Variants in SLC6A6 observed in about 807,000 individuals in gnomAD.
The protein encoded by SLC6A6 is sodium- and chloride-dependent taurine transporter.
SLC6A6 carries 16 observed loss-of-function variants against 68.8 expected under a neutral mutation model. The observed-to-expected ratio is 0.23, with a 90% CI of 0.16 to 0.35. The LOEUF (loss-of-function observed/expected upper bound fraction) is 0.35. Among genes scored for constraint, SLC6A6 ranks in the 10% least tolerant of loss-of-function variants. The probability of loss-of-function intolerance (pLI) is 1.00; values close to 1 mark genes in which losing one functional copy is unlikely to be tolerated. For synonymous variants in SLC6A6, 312 were observed against 315.4 expected (o/e 0.99, Z 0.12); for missense variants, 474 against 802.8 (o/e 0.59, Z 4.95).
chr3:14,405,577 A>C (rs1454770050), intron 1 of SLC6A6, among the ~76,000 whole-genome samples: 1 of 152,208 alleles, frequency 6.6e-6, no homozygotes, highest in Non-Finnish European at 1.5e-5. Flanking sequence ...TGGCAGGTAC[A>C]TGCTGATTCC....
intron 2 of SLC6A6, among the ~76,000 whole-genome samples, chr3:14,435,338 A>T (rs1034582996): frequency 6.6e-6 from 1 of 152,148 alleles, no homozygotes; most frequent in African/African-American, 2.4e-5. Context: ...GGAGGCTTCT[A>T]GCGGAGGTCG....
intron 6 of SLC6A6, among the ~76,000 whole-genome samples, chr3:14,463,816 C>T (rs530241679): frequency 3.3e-5 from 5 of 152,194 alleles, no homozygotes; most frequent in Non-Finnish European, 7.3e-5. Context: ...GAACAAAGGA[C>T]GCCCGGGGGC....
intron 2 of SLC6A6, among the ~76,000 whole-genome samples, chr3:14,421,445 G>A (rs1044734489): frequency 6.6e-6 from 1 of 152,294 alleles, no homozygotes. Flanking sequence ...AAACGGGCCT[G>A]ATGTAGAAGC....
At chr3:14,463,972 C>G (rs547038842) in intron 6 of SLC6A6, among the ~76,000 whole-genome samples, 32 of 152,192 alleles carry the variant, frequency 2.1e-4, no homozygotes, top group Non-Finnish European at 2.4e-4. Flanking sequence ...GATGGGGAAG[C>G]TGAGGCCCAG....
chr3:14,425,490 A>G (rs1699574936), intron 2 of SLC6A6, among the ~76,000 whole-genome samples: 1 of 152,188 alleles, frequency 6.6e-6, no homozygotes, highest in South Asian at 2.1e-4. Flanking sequence ...TGCTTGACCA[A>G]ATAAATAGAT....
rs956797398 is a variant in SLC6A6, at chr3:14,468,374, G to A, written c.1096+162G>A. On this transcript the variant is annotated intron_variant, in intron 9 of 14. Coordinates refer to ENST00000622186, the MANE Select transcript of SLC6A6 (RefSeq NM_003043.6). The surrounding 1 kb of genome is among the most constrained non-coding windows in gnomAD (Gnocchi z 4.5). ...ACCAAGATATCCCCCAAATTTCAAA[G>A]AGTACAAAGCCAAATTTTAAACATT... 7.2e-6 allele frequency among the ~76,000 whole-genome samples: 1 copy of A among 138,018 alleles called. No homozygotes were observed. Among genetic ancestry groups the A allele is most frequent in the Admixed American group, 7.2e-5 (1 of 13,816 alleles). 90.5% of individuals were successfully genotyped at this position (138,018 alleles called of 152,430 possible).
chr3:14,431,388 A>G (rs765983655), intron 2 of SLC6A6, among the ~76,000 whole-genome samples: 3 of 152,210 alleles, frequency 2.0e-5, no homozygotes, highest in Admixed American at 1.3e-4. Flanking sequence ...AGGTGTCAGG[A>G]AGCAGGACCC....
chr3:14,403,797 A>G (rs945065482), intron 1 of SLC6A6, among the ~76,000 whole-genome samples: 1 of 152,220 alleles, frequency 6.6e-6, no homozygotes, highest in Non-Finnish European at 1.5e-5. Context: ...CACAGAGAGA[A>G]TTCCAGGGAC....
At chr3:14,479,257 C>T in intron 13 of SLC6A6, 72 bp downstream of exon 13, 1 of 930,580 alleles carries the variant, frequency 1.1e-6, no homozygotes, top group Non-Finnish European at 1.8e-6. Context: ...CCCGCTAAAC[C>T]ATCTTTCATG....
chr3:14,472,114 C>G lies in SLC6A6; in HGVS notation c.1097-91C>G, dbSNP rs1700765373. ...ACCTGGCTCCCTGCTGTATTTGGGTCTGAGTGTCTTTGTGTGAGCCCAGGG... is the reference window on the plus strand; with the variant it reads ...ACCTGGCTCCCTGCTGTATTTGGGTGTGAGTGTCTTTGTGTGAGCCCAGGG... On this transcript the variant is annotated intron_variant, in intron 9 of 14. Transcript: ENST00000622186. This position sits in a 1 kb window ranked among gnomAD's most constrained non-coding sequence, Gnocchi z 4.5. The G allele has an allele frequency of 1.3e-6, 1 of 765,368 alleles. No individual in the cohort carries two copies. The highest frequency in any genetic ancestry group is 2.3e-6 in the Non-Finnish European group (1 of 433,430). The allele number at this position is 765,368 out of a possible 1,614,324, so 47.4% of individuals were successfully genotyped here.
At chr3:14,473,024 C>T (rs1700789918) in intron 10 of SLC6A6, among the ~76,000 whole-genome samples, 1 of 152,218 alleles carries the variant, frequency 6.6e-6, no homozygotes, top group African/African-American at 2.4e-5. Context: ...CCGTATCCCA[C>T]CCCTTCAGGG....
rs371184392 is a variant in SLC6A6 at position 14,420,693 on chromosome 3, AG to A, written c.-12+4242del. On this transcript the variant is annotated intron_variant, in intron 2 of 14. Transcript: ENST00000622186. ...GAGACTGGGTCTCACTATGTTGCCCAGGCTGGTTTCAAACTTCTGGGCTCAA... is the reference window on the plus strand; with the variant it reads ...GAGACTGGGTCTCACTATGTTGCCCAGCTGGTTTCAAACTTCTGGGCTCAA... Among the ~76,000 whole-genome samples, 39 of 152,192 alleles carry A rather than the reference AG, an allele frequency of 2.6e-4. 1 individual carries two copies. The highest frequency in any genetic ancestry group is 8.9e-4 in the African/African-American group (37 of 41,526).
rs1419185838 is a variant in SLC6A6 at position 14,458,079 on chromosome 3, G to A, written c.729G>A (p.Gly243=). Residue 243 remains glycine, a synonymous_variant, in exon 6 of 15, where the codon GGG becomes GGA. Transcript: ENST00000622186. Reference sequence around the variant, plus strand: ...TCTGGAAGGGCGTCAGGTCCACTGGGAAGGTAAGTTGGACTTCTGTCCGTC... The same window carrying A: ...TCTGGAAGGGCGTCAGGTCCACTGGAAAGGTAAGTTGGACTTCTGTCCGTC... ...FCIWKGVRST[G]KVVYFTATFP... The A allele has an allele frequency of 6.2e-7, 1 of 1,613,986 alleles. No homozygotes were observed. The highest frequency in any genetic ancestry group is 1.7e-5 in the Admixed American group (1 of 60,030).
chr3:14,406,130 G>A (rs1405790432), intron 1 of SLC6A6, among the ~76,000 whole-genome samples: 2 of 152,200 alleles, frequency 1.3e-5, no homozygotes, highest in African/African-American at 4.8e-5. Context: ...CCGGGTCCTA[G>A]CTGGAGAGAG....
At chr3:14,430,907 G>A (rs1454582597) in intron 2 of SLC6A6, among the ~76,000 whole-genome samples, 1 of 152,172 alleles carries the variant, frequency 6.6e-6, no homozygotes. Context: ...TATGTGGCCT[G>A]GGCCTCAGTT....
chr3:14,417,327 A>G (rs778380944), intron 2 of SLC6A6, among the ~76,000 whole-genome samples: 1 of 152,178 alleles, frequency 6.6e-6, no homozygotes, highest in Non-Finnish European at 1.5e-5. Flanking sequence ...CTTTCTCACT[A>G]ATATGTTAAA....
chr3:14,403,925 T>A (rs1699046298), intron 1 of SLC6A6, among the ~76,000 whole-genome samples: 1 of 152,162 alleles, frequency 6.6e-6, no homozygotes, highest in African/African-American at 2.4e-5. Context: ...GCCTGGCTAT[T>A]TTGGTCACTG....
At chr3:14,437,430 G>A (rs756200910) in intron 2 of SLC6A6, among the ~76,000 whole-genome samples, 6 of 151,920 alleles carry the variant, frequency 3.9e-5, no homozygotes, top group Non-Finnish European at 8.8e-5. Context: ...GCTAATTTTT[G>A]TAGTTTTTGT....
intron 9 of SLC6A6, among the ~76,000 whole-genome samples, chr3:14,470,592 G>C (rs560320501): frequency 3.3e-5 from 5 of 152,294 alleles, no homozygotes; most frequent in Admixed American, 1.3e-4. Context: ...CAACGTCCCT[G>C]GTGGGTTGGG....
Sources: gnomAD v4.1 joint callset for allele counts (sites outside exome capture counted in the v4.1 genomes callset) on GRCh38, gnomAD v4.1.1 for gene constraint, Gnocchi (gnomAD v3.1) non-coding constraint, MANE v1.5 for transcripts, NCBI Gene and HGNC (gene_info 2026-07-23, HGNC 2026-07-21) for gene names.